Variants in GABRB1 observed in about 807,000 individuals in gnomAD.
GABRB1 encodes gamma-aminobutyric acid receptor subunit beta-1.
GABRB1 carries 17 observed loss-of-function variants against 51.6 expected under a neutral mutation model. The observed-to-expected ratio is 0.33, with a 90% CI of 0.23 to 0.49. GABRB1 has a LOEUF of 0.49. Ranked by LOEUF, GABRB1 falls within the 20% of genes least tolerant of loss-of-function variation. The probability of loss-of-function intolerance (pLI) is 0.99; values close to 1 mark genes in which losing one functional copy is unlikely to be tolerated. For missense variants in GABRB1, 410 were observed against 600.6 expected, an observed-to-expected ratio of 0.68 and a Z score of 3.32; for synonymous variants, 247 against 218.9, an observed-to-expected ratio of 1.13 and a Z score of -1.14.
rs1391410138 is a variant in GABRB1, at chr4:47,176,791, A to G, written c.461+15322A>G. On this transcript the variant is annotated intron_variant, in intron 4 of 8. Coordinates refer to ENST00000295454, the MANE Select transcript of GABRB1 (RefSeq NM_000812.4). ...ATGGAAGCTTAGCCTTGGACCATTC[A>G]TTCTTCATAATGGCAGAGAAGGAAA... Among the ~76,000 whole-genome samples, 4 of 152,170 alleles carry G rather than the reference A, an allele frequency of 2.6e-5. No homozygotes were observed. The South Asian group carries it at 6.2e-4, about 24-fold the overall frequency.
chr4:47,289,369 T>C (rs1723641180), intron 4 of GABRB1, among the ~76,000 whole-genome samples: 3 of 152,222 alleles, frequency 2.0e-5, no homozygotes, highest in Non-Finnish European at 4.4e-5. Flanking sequence ...TACATCATAG[T>C]TGTAGTCAAA....
intron 5 of GABRB1, among the ~76,000 whole-genome samples, chr4:47,340,337 C>T (rs971361366): frequency 6.6e-6 from 1 of 152,158 alleles, no homozygotes; most frequent in African/African-American, 2.4e-5. Flanking sequence ...TCAGCCCATT[C>T]ATCTGGCAGC....
At chr4:47,366,680 T>C (rs1726996328) in intron 5 of GABRB1, among the ~76,000 whole-genome samples, 1 of 152,168 alleles carries the variant, frequency 6.6e-6, no homozygotes, top group South Asian at 2.1e-4. Flanking sequence ...TATTTTCTTC[T>C]TGCCTTCTTC....
chr4:47,079,769 G>A (rs1211426430), intron 3 of GABRB1, among the ~76,000 whole-genome samples: 1 of 144,860 alleles, frequency 6.9e-6, no homozygotes, highest in Admixed American at 7.2e-5. Flanking sequence ...AACACCACAT[G>A]TTCTCACTCA....
At chr4:47,354,860 T>A (rs1442491736) in intron 5 of GABRB1, among the ~76,000 whole-genome samples, 1 of 118,582 alleles carries the variant, frequency 8.4e-6, no homozygotes, top group East Asian at 2.0e-4. Context: ...TGTGGCAGGC[T>A]TTTTTTTTTA....
intron 3 of GABRB1, among the ~76,000 whole-genome samples, chr4:47,133,812 G>A (rs186025214): frequency 6.6e-6 from 1 of 152,238 alleles, no homozygotes; most frequent in Admixed American, 6.5e-5. Context: ...GATCATTTGG[G>A]TAATGTGGAG....
intron 4 of GABRB1, among the ~76,000 whole-genome samples, chr4:47,284,012 G>C: frequency 6.6e-6 from 1 of 151,326 alleles, no homozygotes. Flanking sequence ...GCAGGAGAAT[G>C]GCGTGAACCC....
intron 4 of GABRB1, among the ~76,000 whole-genome samples, chr4:47,197,648 T>G (rs1560581362): frequency 6.6e-6 from 1 of 152,368 alleles, no homozygotes; most frequent in East Asian, 1.9e-4. Flanking sequence ...ATTCTCCCAC[T>G]GGAACATAGG....
chr4:47,136,130 A>G (rs1716638383), intron 3 of GABRB1, among the ~76,000 whole-genome samples: 1 of 152,124 alleles, frequency 6.6e-6, no homozygotes, highest in Non-Finnish European at 1.5e-5. Context: ...AGCTGGGACC[A>G]CAGGCATGTG....
chr4:47,403,228 T>C, intron 5 of GABRB1, 90 bp from the exon 6 acceptor site: 3 of 1,447,924 alleles, frequency 2.1e-6, no homozygotes, highest in South Asian at 2.5e-5. Flanking sequence ...CTTACCACTT[T>C]TGTGCTGGGA....
chr4:47,161,232 C>CTTTT lies in GABRB1; in HGVS notation c.241-14_241-13insTTTT. The CTTTT allele has an allele frequency of 1.6e-6, 2 of 1,262,766 alleles. No individual in the cohort carries two copies. The highest frequency in any genetic ancestry group is 2.5e-5 in the East Asian group (1 of 40,538). The allele number at this position is 1,262,766 out of a possible 1,614,324, so 78.2% of individuals were successfully genotyped here. A position where few individuals can be genotyped will look rare whatever the true frequency, so the allele number is the denominator to read the frequency against. ...TAGTAAAATTCTTTTTTTTTTTTTGCTTTCTTTATTTCACAGGATTATACA... is the reference window on the plus strand; with the variant it reads ...TAGTAAAATTCTTTTTTTTTTTTTGCTTTTTTTCTTTATTTCACAGGATTATACA... On this transcript the variant is annotated splice_polypyrimidine_tract_variant and intron_variant, in intron 3 of 8. Transcript: ENST00000295454.
At chr4:47,301,166 CA>C (rs1560322943) in intron 4 of GABRB1, among the ~76,000 whole-genome samples, 5 of 151,990 alleles carry the variant, frequency 3.3e-5, no homozygotes, top group Admixed American at 1.3e-4. Flanking sequence ...TTCTAGGAAC[CA>C]AAAAGACACA....
At chr4:47,205,126 G>C (rs1037657787) in intron 4 of GABRB1, among the ~76,000 whole-genome samples, 2 of 152,068 alleles carry the variant, frequency 1.3e-5, no homozygotes, top group Admixed American at 1.3e-4. Context: ...AATCCATGTG[G>C]CAACAGTAAT....
intron 4 of GABRB1, among the ~76,000 whole-genome samples, chr4:47,168,522 A>G (rs1171539488): frequency 6.6e-6 from 1 of 152,034 alleles, no homozygotes; most frequent in Non-Finnish European, 1.5e-5. Context: ...TCCATCTCCT[A>G]TATTAAGACT....
intron 5 of GABRB1, among the ~76,000 whole-genome samples, chr4:47,325,849 G>C (rs1258254698): frequency 6.6e-6 from 1 of 152,094 alleles, no homozygotes; most frequent in African/African-American, 2.4e-5. Flanking sequence ...TTGTCTGAAA[G>C]TTTGTATCCC....
At chr4:46,996,978 T>G (rs184168822) in intron 1 of GABRB1, among the ~76,000 whole-genome samples, 235 of 152,300 alleles carry the variant, frequency 1.5e-3, no homozygotes, top group African/African-American at 5.3e-3. Flanking sequence ...CAGTTTGAAA[T>G]GCTCCTGTTC....
intron 4 of GABRB1, among the ~76,000 whole-genome samples, chr4:47,225,160 G>T (rs1720903943): frequency 6.6e-6 from 1 of 152,136 alleles, no homozygotes; most frequent in Admixed American, 6.6e-5. Context: ...CTCCCAAAGT[G>T]CTGGGATTAC....
chr4:47,291,896 G>A (rs1229615056), intron 4 of GABRB1, among the ~76,000 whole-genome samples: 2 of 152,136 alleles, frequency 1.3e-5, no homozygotes, highest in Non-Finnish European at 2.9e-5. Context: ...GACTTGCCTT[G>A]TCTCAGATGA....
At chr4:47,045,620 T>A (rs939903825) in intron 3 of GABRB1, among the ~76,000 whole-genome samples, 1 of 152,008 alleles carries the variant, frequency 6.6e-6, no homozygotes, top group African/African-American at 2.4e-5. Context: ...GTTGAGGGGC[T>A]ACTGCTTGGT....
Sources: gnomAD v4.1 joint callset for allele counts (sites outside exome capture counted in the v4.1 genomes callset) on GRCh38, gnomAD v4.1.1 for gene constraint, MANE v1.5 for transcripts, NCBI Gene and HGNC (gene_info 2026-07-23, HGNC 2026-07-21) for gene names.